The following MEIS1 variants were observed in gnomAD, a reference collection of about 807,000 sequenced individuals.
MEIS1 encodes the protein homeobox protein Meis1.
A neutral mutation model predicts 50.8 loss-of-function variants in MEIS1; 5 were observed. The ratio of observed to expected loss-of-function variants is 0.10; its 90% CI spans 0.05 to 0.21. The LOEUF (loss-of-function observed/expected upper bound fraction) is 0.21. Ranked by LOEUF, MEIS1 falls within the 10% of genes least tolerant of loss-of-function variation. The pLI, the probability that MEIS1 is intolerant of heterozygous loss-of-function variation, is 1.00. For synonymous variants in MEIS1, 176 were observed against 179.3 expected, an observed-to-expected ratio of 0.98 and a Z score of 0.15; for missense variants, 318 against 517.3, an observed-to-expected ratio of 0.61 and a Z score of 3.74.
chr2:66,487,382 A>G (rs935627157), intron 7 of MEIS1, among the ~76,000 whole-genome samples: 7 of 152,190 alleles, frequency 4.6e-5, no homozygotes, highest in African/African-American at 1.2e-4. Context: ...ACATATATGT[A>G]TATATTACCA....
At chr2:66,468,569 C>T (rs936562527) in intron 7 of MEIS1, among the ~76,000 whole-genome samples, 91 of 152,314 alleles carry the variant, frequency 6.0e-4, no homozygotes, top group African/African-American at 1.1e-3. Flanking sequence ...GGCCACACAC[C>T]GGCTGGTGCT....
intron 8 of MEIS1, among the ~76,000 whole-genome samples, chr2:66,535,825 T>G (rs1425712869): frequency 6.6e-6 from 1 of 152,188 alleles, no homozygotes; most frequent in East Asian, 1.9e-4. Flanking sequence ...TTAGTTTGAT[T>G]GCAAGATAAG....
Position 66,440,544 on chromosome 2 carries a change from C to A in MEIS1, c.382-18C>A. 1 of 1,609,498 alleles carries A rather than the reference C, an allele frequency of 6.2e-7. No individual in the cohort carries two copies. Among genetic ancestry groups the A allele is most frequent in the Non-Finnish European group, 8.5e-7 (1 of 1,176,898 alleles). On this transcript the variant is annotated intron_variant, in intron 3 of 12. Transcript: ENST00000272369. ...TTCTCTCCCCTCCCTCTCCCCTCTC[C>A]TTCTCACTTGTATTTAGATTCGCGC...
chr2:66,453,600 C>A (rs950517646), intron 6 of MEIS1, among the ~76,000 whole-genome samples: 1 of 151,858 alleles, frequency 6.6e-6, no homozygotes, highest in Non-Finnish European at 1.5e-5. Flanking sequence ...TGTCAGTGGG[C>A]TTAAAGATGC....
At chr2:66,567,628 C>A in intron 10 of MEIS1, 117 bp downstream of exon 10, 1 of 887,588 alleles carries the variant, frequency 1.1e-6, no homozygotes, top group Non-Finnish European at 1.8e-6. Context: ...GAACGCCTGG[C>A]AATTAAAATT....
chr2:66,528,867 G>T (rs182636570), intron 8 of MEIS1, among the ~76,000 whole-genome samples: 2 of 152,240 alleles, frequency 1.3e-5, no homozygotes, highest in Non-Finnish European at 2.9e-5. Flanking sequence ...ACCCCTTGAG[G>T]TCTGACACTG....
intron 8 of MEIS1, among the ~76,000 whole-genome samples, chr2:66,518,934 A>G (rs555403925): frequency 3.3e-5 from 5 of 152,160 alleles, no homozygotes; most frequent in Non-Finnish European, 7.3e-5. Context: ...TAGTAAATCT[A>G]CATGTCGTGG....
At chr2:66,472,538 C>G (rs1672787362) in intron 7 of MEIS1, among the ~76,000 whole-genome samples, 1 of 152,122 alleles carries the variant, frequency 6.6e-6, no homozygotes, top group Non-Finnish European at 1.5e-5. Context: ...CCAAGAACAT[C>G]AAGCATATCA....
In MEIS1 at chr2:66,440,057, G is replaced by A. The variant is rs1417704305; in HGVS notation, c.381+73G>A. The A allele has an allele frequency of 1.5e-5, 19 of 1,297,508 alleles. No individual in the cohort carries two copies. The African/African-American group carries it at 3.6e-4, about 24-fold the overall frequency. 80.4% of individuals were successfully genotyped at this position (1,297,508 alleles called of 1,614,324 possible). On this transcript the variant is annotated intron_variant, in intron 3 of 12. Transcript: ENST00000272369. ...CCCCTTCGCCAACACACACGCGCGC[G>A]CGCGCGCGCGAACACACACACACAC...
At position 66,543,678 on chromosome 2, in the gene MEIS1, C is replaced by T. The variant is rs1243524534; in HGVS notation, c.889-4265C>T. 3.3e-5 allele frequency among the ~76,000 whole-genome samples: 5 copies of T among 152,210 alleles called. No individual in the cohort carries two copies. In the East Asian group the frequency reaches 7.7e-4, roughly 23 times the overall value. ...CTTGCAGCTACTGCATTGCCTGGCT[C>T]TCCCCTCTCAATCGTTAATTCTTAT... On this transcript the variant is annotated intron_variant, in intron 8 of 12. Coordinates refer to ENST00000272369, the MANE Select transcript of MEIS1 (RefSeq NM_002398.3).
chr2:66,556,488 T>A (rs1327247708), intron 9 of MEIS1, among the ~76,000 whole-genome samples: 1 of 90,420 alleles, frequency 1.1e-5, no homozygotes, highest in Admixed American at 1.6e-4. Context: ...ATTGATAAAG[T>A]CACTTTTTTT....
chr2:66,549,600 T>C (rs1674870440), intron 9 of MEIS1, among the ~76,000 whole-genome samples: 1 of 152,146 alleles, frequency 6.6e-6, no homozygotes, highest in Non-Finnish European at 1.5e-5. Context: ...GATTCATATA[T>C]CTGTATTTTA....
At chr2:66,489,003 A>T (rs1490050490) in intron 7 of MEIS1, among the ~76,000 whole-genome samples, 1 of 152,170 alleles carries the variant, frequency 6.6e-6, no homozygotes, top group African/African-American at 2.4e-5. Flanking sequence ...TAACTATTTG[A>T]TGAGAAGATT....
At chr2:66,534,768 T>G (rs1350224003) in intron 8 of MEIS1, among the ~76,000 whole-genome samples, 1 of 152,082 alleles carries the variant, frequency 6.6e-6, no homozygotes, top group African/African-American at 2.4e-5. Context: ...GAAAAACACA[T>G]TACATAAAGC....
chr2:66,469,831 C>T (rs767273056), intron 7 of MEIS1, among the ~76,000 whole-genome samples: 12 of 152,036 alleles, frequency 7.9e-5, no homozygotes, highest in Non-Finnish European at 1.2e-4. Context: ...TGAAAAACTA[C>T]CGTAGCGACT....
At chr2:66,510,400 G>T (rs1342426790) in intron 7 of MEIS1, among the ~76,000 whole-genome samples, 1 of 152,148 alleles carries the variant, frequency 6.6e-6, no homozygotes, top group Non-Finnish European at 1.5e-5. Context: ...CCCAGTCAGA[G>T]AACATAGCAT....
At chr2:66,529,568 C>T (rs1674339848) in intron 8 of MEIS1, among the ~76,000 whole-genome samples, 1 of 152,292 alleles carries the variant, frequency 6.6e-6, no homozygotes, top group East Asian at 1.9e-4. Context: ...TCCTGAGTAG[C>T]TGGGACTGTA....
chr2:66,467,313 A>G (rs911348116), intron 7 of MEIS1, among the ~76,000 whole-genome samples: 6 of 151,858 alleles, frequency 4.0e-5, no homozygotes, highest in African/African-American at 1.5e-4. Flanking sequence ...TACAAAATCC[A>G]TGGCTGGGAG....
chr2:66,525,802 C>T (rs1674235843), intron 8 of MEIS1, among the ~76,000 whole-genome samples: 1 of 152,218 alleles, frequency 6.6e-6, no homozygotes, highest in South Asian at 2.1e-4. Context: ...GAAACATCTT[C>T]ATAGCTTCAG....
Sources: gnomAD v4.1 joint callset for allele counts (sites outside exome capture counted in the v4.1 genomes callset) on GRCh38, gnomAD v4.1.1 for gene constraint, MANE v1.5 for transcripts, NCBI Gene and HGNC (gene_info 2026-07-23, HGNC 2026-07-21) for gene names.